UIMC1: variants seen among roughly 807,000 people sequenced by gnomAD.
The protein encoded by UIMC1 is ubiquitin interaction motif containing 1, also known as BRCA1-A complex subunit RAP80.
A neutral mutation model predicts 84.9 loss-of-function variants in UIMC1; 42 were observed. That is an observed-to-expected ratio of 0.49 (90% CI 0.39 to 0.64). The LOEUF (loss-of-function observed/expected upper bound fraction) is 0.64. Ranked by LOEUF, UIMC1 falls within the 30% of genes least tolerant of loss-of-function variation. The pLI is 0.00. For missense variants in UIMC1, 825 were observed against 847.6 expected, an observed-to-expected ratio of 0.97 and a Z score of 0.33; for synonymous variants, 281 against 293.0, an observed-to-expected ratio of 0.96 and a Z score of 0.42.
At position 176,947,600 on chromosome 5, in the gene UIMC1, T is replaced by C. The variant is rs144117733; in HGVS notation, c.1443+3874A>G. Among the ~76,000 whole-genome samples, 1,038 of 152,130 alleles carry C rather than the reference T, an allele frequency of 6.8e-3. 15 individuals carry two copies. The highest frequency in any genetic ancestry group is 0.024 in the African/African-American group (995 of 41,518). On this transcript the variant is annotated intron_variant, in intron 9 of 14. Coordinates refer to ENST00000511320, the MANE Select transcript of UIMC1 (RefSeq NM_001199298.2). ...TTGGGAGGCCAAGGCGGGTGGATCATGAGGTCAGGAGATGGAGACCATCCT... is the reference window on the plus strand; with the variant it reads ...TTGGGAGGCCAAGGCGGGTGGATCACGAGGTCAGGAGATGGAGACCATCCT...
intron 1 of UIMC1, among the ~76,000 whole-genome samples, chr5:176,985,383 G>A (rs1196035114): frequency 6.6e-6 from 1 of 151,346 alleles, no homozygotes; most frequent in East Asian, 1.9e-4. Context: ...TTGAACCCGG[G>A]AGGCGGAGGT....
chr5:176,931,022 C>T lies in UIMC1; in HGVS notation c.1597+12313G>A, dbSNP rs914049768. ...TTCCCCTGTGTGTCCCAGCTCTACA[C>T]ATGGAAGGCAGAAAGAACACAGTAA... On this transcript the variant is annotated intron_variant, in intron 10 of 14. Coordinates refer to ENST00000511320, the MANE Select transcript of UIMC1 (RefSeq NM_001199298.2). 9.8e-5 allele frequency among the ~76,000 whole-genome samples: 15 copies of T among 152,344 alleles called. No individual in the cohort carries two copies. The South Asian group carries it at 1.0e-3, about 11-fold the overall frequency.
intron 1 of UIMC1, among the ~76,000 whole-genome samples, chr5:176,987,595 G>A (rs1284786655): frequency 6.6e-6 from 1 of 152,082 alleles, no homozygotes; most frequent in East Asian, 1.9e-4. Context: ...AGGTTGCAGT[G>A]AGCCAAGACC....
chr5:177,009,629 A>T (rs1239910974), upstream of UIMC1, among the ~76,000 whole-genome samples: 1 of 152,190 alleles, frequency 6.6e-6, no homozygotes, highest in Non-Finnish European at 1.5e-5. This position sits in a 1 kb window ranked among gnomAD's most constrained non-coding sequence, Gnocchi z 4.3. Context: ...TAAGAAATGA[A>T]AAACTAAATA....
chr5:176,978,952 C>A (rs1221449044), intron 2 of UIMC1, among the ~76,000 whole-genome samples: 1 of 151,992 alleles, frequency 6.6e-6, no homozygotes, highest in Non-Finnish European at 1.5e-5. Flanking sequence ...GAAGCTACAG[C>A]CAACGCAATG....
At position 176,943,285 on chromosome 5, in the gene UIMC1, A is replaced by C. The variant is rs1156395255; in HGVS notation, c.1597+50T>G. On this transcript the variant is annotated intron_variant, in intron 10 of 14. Transcript: ENST00000511320. ...CTGCATTGTAATGTATAGGATTATA[A>C]AACCACCACACAAAAAAGTAAGAGT... is the stretch of plus-strand genomic sequence containing the variant. The C allele has an allele frequency of 5.0e-6, 8 of 1,595,996 alleles. No individual in the cohort carries two copies. In the East Asian group the frequency reaches 1.8e-4, roughly 36 times the overall value.
At chr5:177,003,747 T>C (rs1447026813) in intron 1 of UIMC1, among the ~76,000 whole-genome samples, 1 of 152,132 alleles carries the variant, frequency 6.6e-6, no homozygotes, top group African/African-American at 2.4e-5. Context: ...GAGATGAGTA[T>C]GGGGGAAGAC....
At chr5:176,985,261 T>G (rs1335028985) in intron 1 of UIMC1, among the ~76,000 whole-genome samples, 1 of 151,838 alleles carries the variant, frequency 6.6e-6, no homozygotes, top group African/African-American at 2.4e-5. Flanking sequence ...TTGGAGACTA[T>G]CCTGGCCAAC....
intron 7 of UIMC1, among the ~76,000 whole-genome samples, chr5:176,957,174 C>G (rs1478950460): frequency 1.3e-5 from 2 of 152,102 alleles, no homozygotes; most frequent in African/African-American, 4.8e-5. Context: ...ACTGTCTTAA[C>G]AGCAGGAAAA....
rs373806558 is a variant in UIMC1 at position 176,936,982 on chromosome 5, TTATA to T, written c.1597+6349_1597+6352del. ...AAATAAGCTCCATGAGAACAGGGAC[TTATA>T]TTCTGTTAATTGTATATTCTGCTCA... On this transcript the variant is annotated intron_variant, in intron 10 of 14. Transcript: ENST00000511320. 1.8e-4 allele frequency among the ~76,000 whole-genome samples: 27 copies of T among 152,338 alleles called. No individual in the cohort carries two copies. In the East Asian group the frequency reaches 4.8e-3, roughly 27 times the overall value.
Position 176,959,695 on chromosome 5 carries a change from G to A in UIMC1, c.1201-1541C>T, listed in dbSNP as rs1419323004. Among the ~76,000 whole-genome samples the A allele has an allele frequency of 6.3e-3, 837 of 131,856 alleles. 6 individuals carry two copies. Among genetic ancestry groups the A allele is most frequent in the African/African-American group, 0.023 (777 of 34,326 alleles). The allele number at this position is 131,856 out of a possible 152,430, so 86.5% of individuals were successfully genotyped here. ...CCCGCCACTGCACTCCAGCCTGGGC[G>A]ACAGAGCGAGACTCCGTCTCAAAAA... On this transcript the variant is annotated intron_variant, in intron 6 of 14. Coordinates refer to ENST00000511320, the MANE Select transcript of UIMC1 (RefSeq NM_001199298.2).
At chr5:176,905,586 G>A (rs1354782293) in intron 14 of UIMC1, 94 bp from the exon 15 acceptor site, 1 of 1,126,464 alleles carries the variant, frequency 8.9e-7, no homozygotes, top group African/African-American at 1.5e-5. Context: ...CATATCAGGG[G>A]ATTATTAGTA....
chr5:176,985,067 G>A (rs1771756333), intron 1 of UIMC1, among the ~76,000 whole-genome samples: 2 of 151,636 alleles, frequency 1.3e-5, no homozygotes, highest in Non-Finnish European at 2.9e-5. Context: ...CCCTCTCCAA[G>A]AAACACCCAA....
At chr5:176,912,948 G>A (rs867667430) in intron 10 of UIMC1, among the ~76,000 whole-genome samples, 5 of 152,336 alleles carry the variant, frequency 3.3e-5, no homozygotes, top group Middle Eastern at 3.4e-3. Flanking sequence ...GATTACAGGC[G>A]TGAGCCACTG....
At chr5:176,910,407 T>C (rs890893439) in intron 11 of UIMC1, among the ~76,000 whole-genome samples, 2 of 152,254 alleles carry the variant, frequency 1.3e-5, no homozygotes, top group African/African-American at 4.8e-5. Flanking sequence ...TTTTAGCTTC[T>C]TAAAACCAAG....
chr5:176,915,674 T>C (rs1001670329), intron 10 of UIMC1, among the ~76,000 whole-genome samples: 3 of 151,636 alleles, frequency 2.0e-5, no homozygotes, highest in African/African-American at 7.3e-5. Context: ...CAGGCTGGTC[T>C]TGAACTCCTG....
rs753095469 is a variant in UIMC1 at position 176,968,840 on chromosome 5, C to T, written c.915G>A (p.Lys305=). 7.4e-6 allele frequency: 12 copies of T among 1,614,172 alleles called. No individual in the cohort carries two copies. In the Admixed American group the frequency reaches 2.0e-4, roughly 27 times the overall value. Residue 305 remains lysine (K), a synonymous_variant, in exon 6 of 15, where the codon AAG becomes AAA. Coordinates refer to ENST00000511320, the MANE Select transcript of UIMC1 (RefSeq NM_001199298.2). ...GCTGCCTCTGAGCCATTTTCAGGCT[C>T]TTTTGATAAACCTCCAACTGGCAGA... The part of the protein sequence containing the change: ...VILCQLEVYQ[K]SLKMAQRQLL...
intron 3 of UIMC1, among the ~76,000 whole-genome samples, chr5:176,971,718 G>A (rs951903745): frequency 6.6e-6 from 1 of 151,896 alleles, no homozygotes; most frequent in Non-Finnish European, 1.5e-5. Context: ...AGACCATCAC[G>A]GACAACATGG....
At chr5:176,958,210 T>C (rs981737453) in intron 6 of UIMC1, 56 bp from the exon 7 acceptor site, 1 of 1,464,008 alleles carries the variant, frequency 6.8e-7, no homozygotes, top group Non-Finnish European at 9.3e-7. Flanking sequence ...CTGGCTTCTC[T>C]TCCTTTTTTA....
Sources: gnomAD v4.1 joint callset for allele counts (sites outside exome capture counted in the v4.1 genomes callset) on GRCh38, gnomAD v4.1.1 for gene constraint, Gnocchi (gnomAD v3.1) non-coding constraint, MANE v1.5 for transcripts, NCBI Gene and HGNC (gene_info 2026-07-23, HGNC 2026-07-21) for gene names.